Variants in DENND2B observed in about 807,000 individuals in gnomAD.
DENND2B encodes DENN domain-containing protein 2B.
In DENND2B, 32 loss-of-function variants were observed where a neutral mutation model predicts 116.0. The observed-to-expected ratio is 0.28, with a 90% CI of 0.21 to 0.37. The LOEUF (loss-of-function observed/expected upper bound fraction) is 0.37. Ranked by LOEUF, DENND2B falls within the 10% of genes least tolerant of loss-of-function variation. DENND2B has a pLI of 1.00. For synonymous variants in DENND2B, 588 were observed against 583.9 expected, an observed-to-expected ratio of 1.01 and a Z score of -0.10; for missense variants, 1,276 against 1,477.7, an observed-to-expected ratio of 0.86 and a Z score of 2.24.
intron 1 of DENND2B, among the ~76,000 whole-genome samples, chr11:8,885,069 C>T (rs1368795411): frequency 6.6e-6 from 1 of 152,216 alleles, no homozygotes; most frequent in Non-Finnish European, 1.5e-5. Context: ...CAACCTCCTC[C>T]GCTTTGTCTC....
intron 2 of DENND2B, 100 bp downstream of exon 2, chr11:8,750,521 A>G: frequency 2.0e-6 from 2 of 996,044 alleles, no homozygotes; most frequent in South Asian, 2.8e-5. Flanking sequence ...AGTCACCTGG[A>G]TGACTGTCAG....
chr11:8,885,603 C>T (rs1384744765), intron 1 of DENND2B, among the ~76,000 whole-genome samples: 1 of 152,106 alleles, frequency 6.6e-6, no homozygotes, highest in African/African-American at 2.4e-5. Context: ...TTTCTAACTA[C>T]ATAATGAGTA....
chr11:8,707,873 G>A lies in DENND2B; in HGVS notation c.2353-19C>T. The A allele has an allele frequency of 6.3e-7, 1 of 1,599,182 alleles. No homozygotes were observed. The highest frequency in any genetic ancestry group is 8.5e-7 in the Non-Finnish European group (1 of 1,173,168). On this transcript the variant is annotated intron_variant, in intron 11 of 19. Transcript: ENST00000313726. The surrounding 1 kb of genome is among the most constrained non-coding windows in gnomAD (Gnocchi z 4.8). ...CACTTGGCTGGGCCAGGACAAGGAG[G>A]AGGAGGAGAGAGACAGACACAGAGA...
At chr11:8,763,089 ATAC>A (rs2054982891) in intron 1 of DENND2B, among the ~76,000 whole-genome samples, 1 of 152,224 alleles carries the variant, frequency 6.6e-6, no homozygotes. Flanking sequence ...AGTAGAACAG[ATAC>A]TTCACCAGAG....
intron 4 of DENND2B, among the ~76,000 whole-genome samples, chr11:8,721,092 C>T (rs2046089975): frequency 6.6e-6 from 1 of 152,094 alleles, no homozygotes; most frequent in Non-Finnish European, 1.5e-5. Flanking sequence ...CTGGAGAAGC[C>T]AGAGGTCTCA....
chr11:8,715,925 C>A, intron 5 of DENND2B, 107 bp from the exon 6 acceptor site: 1 of 1,042,666 alleles, frequency 9.6e-7, no homozygotes, highest in Non-Finnish European at 1.4e-6. Context: ...ATCCCTGGAT[C>A]CCCGCCATCT....
intron 2 of DENND2B, among the ~76,000 whole-genome samples, chr11:8,876,998 G>A (rs1423871898): frequency 6.6e-6 from 1 of 151,886 alleles, no homozygotes; most frequent in Non-Finnish European, 1.5e-5. Flanking sequence ...CCTTTAGACG[G>A]ACAGGAGACA....
intron 1 of DENND2B, among the ~76,000 whole-genome samples, chr11:8,802,310 A>AAAC (rs2060425701): frequency 6.6e-6 from 1 of 151,782 alleles, no homozygotes; most frequent in Non-Finnish European, 1.5e-5. Flanking sequence ...AAAAAAAAAA[A>AAAC]AGGAACTAAA....
intron 1 of DENND2B, among the ~76,000 whole-genome samples, chr11:8,789,082 C>T (rs1593716225): frequency 6.6e-6 from 1 of 152,334 alleles, no homozygotes; most frequent in Non-Finnish European, 1.5e-5. Context: ...ACATCCAATA[C>T]ACTTCTGAAA....
At chr11:8,889,139 C>T (rs543404928) in intron 1 of DENND2B, among the ~76,000 whole-genome samples, 1 of 152,140 alleles carries the variant, frequency 6.6e-6, no homozygotes, top group East Asian at 1.9e-4. Flanking sequence ...ATGTTCATAG[C>T]AGCATTATTT....
intron 2 of DENND2B, among the ~76,000 whole-genome samples, chr11:8,868,974 A>G (rs1030696349): frequency 6.6e-6 from 1 of 152,236 alleles, no homozygotes; most frequent in Non-Finnish European, 1.5e-5. Context: ...TAAAAATATT[A>G]TGATTTTTTA....
At chr11:8,888,830 T>C (rs1475639527) in intron 1 of DENND2B, among the ~76,000 whole-genome samples, 1 of 152,198 alleles carries the variant, frequency 6.6e-6, no homozygotes, top group African/African-American at 2.4e-5. Context: ...TCAACATCAC[T>C]AATCATTACG....
chr11:8,701,517 C>CT (rs2041673999), intron 14 of DENND2B, among the ~76,000 whole-genome samples: 1 of 152,046 alleles, frequency 6.6e-6, no homozygotes, highest in Non-Finnish European at 1.5e-5. Flanking sequence ...TGTCTCTGTA[C>CT]TTTCTTCTTT....
chr11:8,726,234 A>C (rs757816539), intron 3 of DENND2B, 25 bp from the exon 4 acceptor site: 2 of 1,589,420 alleles, frequency 1.3e-6, no homozygotes, highest in Non-Finnish European at 1.7e-6. Flanking sequence ...AGCAAGAGTC[A>C]TTCCTGCTGA....
chr11:8,709,590 TC>T (rs1359581677), intron 11 of DENND2B, among the ~76,000 whole-genome samples: 1 of 152,018 alleles, frequency 6.6e-6, no homozygotes, highest in African/African-American at 2.4e-5. Context: ...CCTTTGCCCC[TC>T]CATGGGCATT....
At chr11:8,700,294 G>C (rs774522388) in intron 14 of DENND2B, among the ~76,000 whole-genome samples, 4 of 152,218 alleles carry the variant, frequency 2.6e-5, no homozygotes, top group Non-Finnish European at 4.4e-5. Context: ...TGTTGGGCTA[G>C]ATTTCTTCAC....
At chr11:8,904,020 C>T (rs1233268598) in intron 1 of DENND2B, among the ~76,000 whole-genome samples, 2 of 151,814 alleles carry the variant, frequency 1.3e-5, no homozygotes, top group Non-Finnish European at 2.9e-5. Context: ...TAATCAAATG[C>T]TTAAGAATAA....
upstream of DENND2B, among the ~76,000 whole-genome samples, chr11:8,812,460 T>C (rs1280486246): frequency 6.6e-6 from 1 of 152,220 alleles, no homozygotes; most frequent in Non-Finnish European, 1.5e-5. Context: ...AAAGTTAGGA[T>C]TGGCATTATT....
intron 1 of DENND2B, among the ~76,000 whole-genome samples, chr11:8,767,953 G>C (rs905219998): frequency 6.6e-6 from 1 of 152,148 alleles, no homozygotes; most frequent in African/African-American, 2.4e-5. Flanking sequence ...GCAAGCCACT[G>C]GCAGCAAGGG....
Sources: allele counts gnomAD v4.1 joint callset (sites outside exome capture counted in the v4.1 genomes callset), GRCh38; gene constraint gnomAD v4.1.1; non-coding constraint Gnocchi (gnomAD v3.1); transcripts MANE v1.5; gene names NCBI Gene and HGNC (gene_info 2026-07-23, HGNC 2026-07-21).